WWOX: variants seen among roughly 807,000 people sequenced by gnomAD.
The protein encoded by WWOX is WW domain containing oxidoreductase.
Under a neutral mutation model 46.2 loss-of-function variants are expected in WWOX, and 69 were observed. The ratio of observed to expected loss-of-function variants is 1.49; its 90% CI spans 1.23 to 1.82. The LOEUF (loss-of-function observed/expected upper bound fraction) is 1.82, where lower values mean the gene tolerates loss of function less well. WWOX is among the 40% of genes most tolerant of loss of function. The pLI, the probability that WWOX is intolerant of heterozygous loss-of-function variation, is 0.00. For synonymous variants in WWOX, 359 were observed against 202.6 expected (o/e 1.77, Z -6.56); for missense variants, 919 against 542.6 (o/e 1.69, Z -6.89).
chr16:78,352,909 A>G (rs2081213119), intron 5 of WWOX, among the ~76,000 whole-genome samples: 1 of 152,228 alleles, frequency 6.6e-6, no homozygotes, highest in African/African-American at 2.4e-5. Flanking sequence ...TAGAGAAAAG[A>G]TCAATCATAG....
intron 7 of WWOX, among the ~76,000 whole-genome samples, chr16:78,427,542 GCACA>G (rs145433869): frequency 1.3e-5 from 2 of 150,012 alleles, no homozygotes; most frequent in Non-Finnish European, 3.0e-5. Context: ...ACGCACGCAC[GCACA>G]CACACACACA....
Position 78,889,349 on chromosome 16 carries a change from C to A in WWOX, c.1057-322259C>A, listed in dbSNP as rs894524992. 4.0e-5 allele frequency among the ~76,000 whole-genome samples: 4 copies of A among 100,614 alleles called. No homozygotes were observed. In the South Asian group the frequency reaches 1.3e-3, roughly 33 times the overall value. 66.0% of individuals were successfully genotyped at this position (100,614 alleles called of 152,430 possible). Reference sequence around the variant, plus strand: ...TTTAAGAAGATCTTTGTCCCTCCCCCACCCCCCGCCCCGATTTATACTATG... The same window carrying A: ...TTTAAGAAGATCTTTGTCCCTCCCCAACCCCCCGCCCCGATTTATACTATG... On this transcript the variant is annotated intron_variant, in intron 8 of 8. Transcript: ENST00000566780.
intron 8 of WWOX, among the ~76,000 whole-genome samples, chr16:78,809,203 T>G (rs1197759938): frequency 1.3e-5 from 2 of 152,018 alleles, no homozygotes; most frequent in Non-Finnish European, 2.9e-5. Context: ...ATGGTTTCCT[T>G]TAGAGCATGT....
intron 5 of WWOX, among the ~76,000 whole-genome samples, chr16:78,371,525 G>A (rs13338610): frequency 0.14 from 19,676 of 140,010 alleles, 1,743 homozygotes; most frequent in East Asian, 0.36. Flanking sequence ...ATTCCATTTT[G>A]TCTTTTACTT....
intron 8 of WWOX, among the ~76,000 whole-genome samples, chr16:78,826,204 G>T (rs1193267428): frequency 1.3e-5 from 2 of 152,126 alleles, no homozygotes; most frequent in Non-Finnish European, 2.9e-5. Context: ...AAAATACAAA[G>T]ATTAGCCTGG....
At chr16:78,989,285 AG>A (rs2046838658) in intron 8 of WWOX, among the ~76,000 whole-genome samples, 2 of 152,128 alleles carry the variant, frequency 1.3e-5, no homozygotes, top group African/African-American at 4.8e-5. Flanking sequence ...CCTTCTTTTT[AG>A]TTTGATTAGT....
intron 8 of WWOX, among the ~76,000 whole-genome samples, chr16:78,472,192 A>G (rs73574998): frequency 0.034 from 5,247 of 152,238 alleles, 192 homozygotes; most frequent in African/African-American, 0.086. Context: ...CCAACCACCT[A>G]GAAGCACCAA....
At chr16:78,531,756 G>A (rs1983243) in intron 8 of WWOX, among the ~76,000 whole-genome samples, 12,432 of 152,142 alleles carry the variant, frequency 0.082, 709 homozygotes, top group South Asian at 0.22. Flanking sequence ...TACTTGGGAG[G>A]CTGAGACAGG....
chr16:78,111,264 T>G (rs2032473594), intron 3 of WWOX, among the ~76,000 whole-genome samples: 1 of 152,146 alleles, frequency 6.6e-6, no homozygotes, highest in Non-Finnish European at 1.5e-5. Context: ...ATAAAGAAAG[T>G]AGTTAGAATA....
intron 8 of WWOX, among the ~76,000 whole-genome samples, chr16:78,502,533 G>C (rs115614755): frequency 6.6e-6 from 1 of 152,132 alleles, no homozygotes; most frequent in African/African-American, 2.4e-5. Flanking sequence ...TCTTTTTGTG[G>C]CTAAGTAATA....
intron 8 of WWOX, among the ~76,000 whole-genome samples, chr16:78,937,410 GC>G (rs1421087595): frequency 2.8e-5 from 4 of 142,902 alleles, no homozygotes; most frequent in Non-Finnish European, 6.1e-5. Flanking sequence ...TTATGGAGGT[GC>G]TAAACATACC....
At chr16:78,188,649 C>G (rs1045923972) in intron 5 of WWOX, among the ~76,000 whole-genome samples, 1 of 152,016 alleles carries the variant, frequency 6.6e-6, no homozygotes, top group Admixed American at 6.6e-5. Context: ...AAAATAACAG[C>G]AAATGTTACT....
At chr16:78,488,750 T>A (rs1278284405) in intron 8 of WWOX, among the ~76,000 whole-genome samples, 1 of 152,174 alleles carries the variant, frequency 6.6e-6, no homozygotes, top group Non-Finnish European at 1.5e-5. Context: ...CGCTGGGGCA[T>A]CTGACTTCAC....
At chr16:78,284,405 A>G (rs1273975167) in intron 5 of WWOX, among the ~76,000 whole-genome samples, 1 of 152,238 alleles carries the variant, frequency 6.6e-6, no homozygotes, top group African/African-American at 2.4e-5. Context: ...CATGCCTGCT[A>G]CTTTGAAGTG....
At chr16:78,406,156 G>A (rs1014787066) in intron 6 of WWOX, among the ~76,000 whole-genome samples, 6 of 150,908 alleles carry the variant, frequency 4.0e-5, no homozygotes, top group Non-Finnish European at 8.8e-5. Context: ...CAACTATATC[G>A]TCATTTTTGC....
At chr16:78,259,436 C>T (rs1324371673) in intron 5 of WWOX, among the ~76,000 whole-genome samples, 2 of 151,958 alleles carry the variant, frequency 1.3e-5, no homozygotes, top group Admixed American at 6.6e-5. Context: ...AAGCAATTCT[C>T]CTGCCTCAGT....
chr16:79,015,031 T>G (rs2047384468), intron 8 of WWOX, among the ~76,000 whole-genome samples: 1 of 152,156 alleles, frequency 6.6e-6, no homozygotes, highest in African/African-American at 2.4e-5. Flanking sequence ...GGACTACGTG[T>G]GACATGAAAG....
In WWOX at chr16:78,452,592, C is replaced by G. The variant is rs532447963; in HGVS notation, c.1056+19840C>G. ...CCAGGTTCAAGGGACTCTCTTGCCT[C>G]AGCCTCCCGAGTAGCTGGGACTGTA... On this transcript the variant is annotated intron_variant, in intron 8 of 8. Transcript: ENST00000566780. 2.7e-5 allele frequency among the ~76,000 whole-genome samples: 4 copies of G among 150,632 alleles called. No individual in the cohort carries two copies. The South Asian group carries it at 8.4e-4, about 32-fold the overall frequency.
intron 8 of WWOX, among the ~76,000 whole-genome samples, chr16:78,557,937 T>C (rs2044346121): frequency 6.6e-6 from 1 of 152,142 alleles, no homozygotes; most frequent in Non-Finnish European, 1.5e-5. Flanking sequence ...CCTCAGGTGA[T>C]CTGCCCACCT....
Sources: allele counts gnomAD v4.1 joint callset (sites outside exome capture counted in the v4.1 genomes callset), GRCh38; gene constraint gnomAD v4.1.1; transcripts MANE v1.5; gene names NCBI Gene and HGNC (gene_info 2026-07-23, HGNC 2026-07-21).